The following NAA25 variants were observed in gnomAD, a reference collection of about 807,000 sequenced individuals.
NAA25 encodes N-terminal acetyltransferase B complex subunit NAA25.
A neutral mutation model predicts 132.5 loss-of-function variants in NAA25; 30 were observed. The observed-to-expected ratio is 0.23, with a 90% CI of 0.17 to 0.31. The LOEUF is 0.31. Among genes scored for constraint, NAA25 ranks in the 10% least tolerant of loss-of-function variants. The pLI, the probability that NAA25 is intolerant of heterozygous loss-of-function variation, is 1.00. For missense variants in NAA25, 771 were observed against 1,150.4 expected (o/e 0.67, Z 4.77); for synonymous variants, 359 against 401.9 (o/e 0.89, Z 1.28).
chr12:112,042,655 C>T (rs941207247), intron 19 of NAA25, among the ~76,000 whole-genome samples: 11 of 152,102 alleles, frequency 7.2e-5, no homozygotes, highest in Admixed American at 3.9e-4. Flanking sequence ...TACAGGCGCC[C>T]GCCACCTTGC....
intron 11 of NAA25, among the ~76,000 whole-genome samples, chr12:112,064,509 T>TC (rs2078685873): frequency 6.6e-6 from 1 of 152,182 alleles, no homozygotes; most frequent in Non-Finnish European, 1.5e-5. Context: ...ATTGCAGACA[T>TC]AAGCCACCAT....
At chr12:112,032,420 T>A (rs946984584) in intron 23 of NAA25, among the ~76,000 whole-genome samples, 8 of 152,208 alleles carry the variant, frequency 5.3e-5, no homozygotes, top group Non-Finnish European at 1.2e-4. Context: ...ATTCTATTCA[T>A]TCCCTTCCCT....
intron 9 of NAA25, among the ~76,000 whole-genome samples, chr12:112,074,341 CAAAAAA>C (rs34077129): frequency 2.9e-5 from 1 of 34,914 alleles, no homozygotes; most frequent in African/African-American, 1.0e-4. Context: ...AACTCCATCT[CAAAAAA>C]AAAAAAAAAA....
chr12:112,038,310 G>A lies in NAA25; in HGVS notation c.2649+919C>T, dbSNP rs971706141. On this transcript the variant is annotated intron_variant, in intron 22 of 23. Coordinates refer to ENST00000261745, the MANE Select transcript of NAA25 (RefSeq NM_024953.4). ...ATTACAGGTGTGAGCCACCACATCC[G>A]GCCTGAATATGGACTTTATTAGATA... Among the ~76,000 whole-genome samples, 4 of 152,058 alleles carry A rather than the reference G, an allele frequency of 2.6e-5. 1 individual carries two copies. Among genetic ancestry groups the A allele is most frequent in the Admixed American group, 2.6e-4 (4 of 15,268 alleles).
chr12:112,076,426 C>T (rs1236504723), intron 7 of NAA25, among the ~76,000 whole-genome samples: 1 of 151,992 alleles, frequency 6.6e-6, no homozygotes, highest in Admixed American at 6.6e-5. Context: ...TAAATTTAGT[C>T]CATAGACAAG....
intron 15 of NAA25, among the ~76,000 whole-genome samples, chr12:112,052,654 T>C (rs1182596128): frequency 6.6e-6 from 1 of 152,208 alleles, no homozygotes; most frequent in African/African-American, 2.4e-5. Context: ...AGATGGAAGA[T>C]AGATTAGTCA....
chr12:112,094,477 C>G (rs2079184410), intron 1 of NAA25, among the ~76,000 whole-genome samples: 1 of 151,924 alleles, frequency 6.6e-6, no homozygotes, highest in Non-Finnish European at 1.5e-5. Context: ...GTATTCAGGC[C>G]TCAAATCTAC....
At chr12:112,089,076 A>G (rs1252985907) in intron 3 of NAA25, among the ~76,000 whole-genome samples, 1 of 151,864 alleles carries the variant, frequency 6.6e-6, no homozygotes, top group African/African-American at 2.4e-5. Flanking sequence ...TAATACCTCA[A>G]CTCTTAGGTT....
At chr12:112,042,349 A>C (rs1170694004) in intron 19 of NAA25, 2 of 230,106 alleles carry the variant, frequency 8.7e-6, no homozygotes, top group Non-Finnish European at 1.7e-5. Context: ...AGAGAGCTTA[A>C]AATCTATGTG....
chr12:112,095,598 A>C (rs2079201340), intron 1 of NAA25, among the ~76,000 whole-genome samples: 1 of 151,694 alleles, frequency 6.6e-6, no homozygotes, highest in East Asian at 1.9e-4. Context: ...TTGTCTCAAA[A>C]AAAAAACAAA....
intron 4 of NAA25, among the ~76,000 whole-genome samples, chr12:112,082,794 G>A: frequency 1.4e-5 from 2 of 145,224 alleles, no homozygotes; most frequent in East Asian, 2.0e-4. Context: ...GGCGGGGGGT[G>A]GGGGGTGCGG....
intron 23 of NAA25, among the ~76,000 whole-genome samples, chr12:112,030,330 G>C (rs2078133284): frequency 1.3e-5 from 2 of 148,952 alleles, no homozygotes; most frequent in African/African-American, 4.9e-5. Flanking sequence ...CTACTATTTT[G>C]TTATAACCTG....
chr12:112,039,711 C>T (rs1310985651), intron 21 of NAA25: 1 of 168,138 alleles, frequency 5.9e-6, no homozygotes, highest in Non-Finnish European at 1.3e-5. Context: ...TTACAATATG[C>T]CTCTCCCGTC....
chr12:112,048,226 C>A lies in NAA25; in HGVS notation c.1880+66G>T, dbSNP rs1442541867. 8.2e-6 allele frequency: 12 copies of A among 1,472,204 alleles called. No homozygotes were observed. The Admixed American group carries it at 2.3e-4, about 29-fold the overall frequency. The allele number at this position is 1,472,204 out of a possible 1,614,324, so 91.2% of individuals were successfully genotyped here. ...AAGCCTGCCAATAACACCCATGAGC[C>A]CATTAATGGCTCTTAACAACTGATC... On this transcript the variant is annotated intron_variant, in intron 16 of 23. Transcript: ENST00000261745.
chr12:112,085,104 C>T (rs977490568), intron 4 of NAA25, among the ~76,000 whole-genome samples: 3 of 152,122 alleles, frequency 2.0e-5, no homozygotes, highest in African/African-American at 7.2e-5. Flanking sequence ...GTGGTGTGCA[C>T]CTGTAATCCC....
At chr12:112,051,341 G>A (rs2078462484) in intron 15 of NAA25, among the ~76,000 whole-genome samples, 1 of 152,146 alleles carries the variant, frequency 6.6e-6, no homozygotes, top group East Asian at 1.9e-4. Flanking sequence ...CTGCCGAGTA[G>A]CTGGGATTAC....
chr12:112,100,511 ATC>A (rs1414880718), intron 1 of NAA25, among the ~76,000 whole-genome samples: 1 of 151,314 alleles, frequency 6.6e-6, no homozygotes, highest in Admixed American at 6.6e-5. Context: ...ATTCAGAGCT[ATC>A]TTTTTTACAT....
chr12:112,048,526 C>T (rs982837687), intron 15 of NAA25, 83 bp from the exon 16 acceptor site: 3 of 1,165,660 alleles, frequency 2.6e-6, no homozygotes, highest in Admixed American at 4.2e-5. Context: ...AAACAAAACA[C>T]TCAAACTAAA....
intron 21 of NAA25, 165 bp from the exon 22 acceptor site, chr12:112,039,504 C>T (rs900582000): frequency 3.3e-5 from 17 of 515,826 alleles, no homozygotes; most frequent in Middle Eastern, 5.2e-4. Context: ...CTCTACTGAT[C>T]CAGGCCTTCA....
Sources: gnomAD v4.1 joint callset for allele counts (sites outside exome capture counted in the v4.1 genomes callset) on GRCh38, gnomAD v4.1.1 for gene constraint, MANE v1.5 for transcripts, NCBI Gene and HGNC (gene_info 2026-07-23, HGNC 2026-07-21) for gene names.